JCAD: variants seen among roughly 807,000 people sequenced by gnomAD.
JCAD encodes the protein junctional cadherin 5 associated, also known as junctional cadherin 5-associated protein.
In JCAD, 40 loss-of-function variants were observed where a neutral mutation model predicts 98.0. The observed-to-expected ratio is 0.41, with a 90% confidence interval of 0.32 to 0.53. The LOEUF is 0.53. Ranked by LOEUF, JCAD falls within the 20% of genes least tolerant of loss-of-function variation. The pLI is 0.31. For missense variants in JCAD, 1,705 were observed against 1,738.1 expected, an observed-to-expected ratio of 0.98 and a Z score of 0.34; for synonymous variants, 691 against 682.3, an observed-to-expected ratio of 1.01 and a Z score of -0.20.
intron 1 of JCAD, among the ~76,000 whole-genome samples, chr10:30,057,619 C>A (rs539583074): frequency 6.6e-6 from 1 of 152,312 alleles, no homozygotes; most frequent in East Asian, 1.9e-4. Context: ...TTCTCCTGGG[C>A]CTGCCAAGGG....
chr10:30,076,377 T>G (rs1347832364), intron 1 of JCAD, among the ~76,000 whole-genome samples: 1 of 152,190 alleles, frequency 6.6e-6, no homozygotes, highest in Non-Finnish European at 1.5e-5. Context: ...TGACAGTTAT[T>G]TCAGAACATC....
intron 1 of JCAD, among the ~76,000 whole-genome samples, chr10:30,092,053 AAAAAAAAAAAAATATATAT>A (rs1244497045): frequency 1.8e-4 from 5 of 27,542 alleles, no homozygotes; most frequent in Admixed American, 8.7e-4. Flanking sequence ...AAAAAAAAAA[AAAAAAAAAAAAATATATAT>A]ATATATATAT....
At chr10:30,099,955 C>A (rs150457455) in intron 1 of JCAD, among the ~76,000 whole-genome samples, 2 of 152,296 alleles carry the variant, frequency 1.3e-5, no homozygotes, top group South Asian at 2.1e-4. Context: ...CCTGCATAAC[C>A]ATTTCTCCCA....
intron 1 of JCAD, among the ~76,000 whole-genome samples, chr10:30,099,077 T>G (rs1838425988): frequency 6.6e-6 from 1 of 152,242 alleles, no homozygotes; most frequent in Admixed American, 6.5e-5. Context: ...CCCAGGATTT[T>G]TCTATTATTT....
chr10:30,028,745 A>G lies in JCAD; in HGVS notation c.1403T>C (p.Met468Thr). ...VTAQEPAHGG[M>T]QPDGAIWNPQ... is the part of the protein sequence containing the mutation. ...ATTCCAAATGGCACCATCAGGCTGC[A>G]TTCCTCCATGAGCCGGCTCTTGAGC... is the stretch of plus-strand genomic sequence containing the variant. The change falls in exon 3 of 4, where the codon ATG becomes ACG. Residue 468 changes from methionine to threonine, a missense_variant. By Grantham distance (81) the Met-to-Thr change is moderately conservative (BLOSUM62 -1). Coordinates refer to ENST00000375377, the MANE Select transcript of JCAD (RefSeq NM_020848.4). 1 of 1,614,182 alleles carries G rather than the reference A, an allele frequency of 6.2e-7. No individual in the cohort carries two copies. Among genetic ancestry groups the G allele is most frequent in the Non-Finnish European group, 8.5e-7 (1 of 1,180,016 alleles).
chr10:30,033,767 C>A (rs775378487), intron 2 of JCAD, among the ~76,000 whole-genome samples: 1 of 152,206 alleles, frequency 6.6e-6, no homozygotes, highest in Non-Finnish European at 1.5e-5. Flanking sequence ...GTGCGTGAAG[C>A]CTGGAAGAGT....
chr10:30,028,838 G>C lies in JCAD; in HGVS notation c.1310C>G (p.Ala437Gly), dbSNP rs560626244. The change falls in exon 3 of 4, where the codon GCT becomes GGT. Residue 437 changes from alanine (A) to glycine (G), a missense_variant. Ala to Gly is a moderately conservative substitution (Grantham distance 60). Around this residue, in one of 3 missense-constraint regions of JCAD, gnomAD observed 1,278 missense variants for 1,243.1 expected, o/e 1.03. Coordinates refer to ENST00000375377, the MANE Select transcript of JCAD (RefSeq NM_020848.4). ...GTCTTCACAGAAACCCTGGGGCTGA[G>C]CTAGTTTAAAATGTCGTAACCGTGG... ...DDPRLRHFKL[A>G]QPQGFCEDIK... The C allele has an allele frequency of 6.2e-7, 1 of 1,614,252 alleles. No homozygotes were observed. Among genetic ancestry groups the C allele is most frequent in the Non-Finnish European group, 8.5e-7 (1 of 1,180,050 alleles).
chr10:30,049,996 A>G (rs1231077927), intron 1 of JCAD, among the ~76,000 whole-genome samples: 1 of 152,198 alleles, frequency 6.6e-6, no homozygotes, highest in Non-Finnish European at 1.5e-5. Flanking sequence ...CATTTAAAAT[A>G]GATTATGAGT....
intron 1 of JCAD, among the ~76,000 whole-genome samples, chr10:30,094,980 G>A (rs1299601679): frequency 6.6e-6 from 1 of 152,200 alleles, no homozygotes; most frequent in Admixed American, 6.5e-5. Context: ...AATTGTCTGA[G>A]TAGGTTGTTG....
At chr10:30,033,413 G>A (rs1837042878) in intron 2 of JCAD, among the ~76,000 whole-genome samples, 1 of 152,222 alleles carries the variant, frequency 6.6e-6, no homozygotes, top group South Asian at 2.1e-4. Flanking sequence ...GAAAAGAAGT[G>A]AGTAGATCAT....
intron 1 of JCAD, among the ~76,000 whole-genome samples, chr10:30,058,357 TGGAGTGCGTGCGGGGGTG>T (rs2132656341): frequency 6.6e-6 from 1 of 150,614 alleles, no homozygotes; most frequent in East Asian, 2.0e-4. Context: ...GGGAGGCGGG[TGGAGTGCGTGCGGGGGTG>T]GGAGAGTGGG....
At chr10:30,112,375 A>G (rs1838718193) in intron 1 of JCAD, among the ~76,000 whole-genome samples, 1 of 152,126 alleles carries the variant, frequency 6.6e-6, no homozygotes, top group Non-Finnish European at 1.5e-5. Context: ...GCTACTCAGG[A>G]GACTGAGACA....
intron 2 of JCAD, among the ~76,000 whole-genome samples, chr10:30,066,425 C>G (rs1171979487): frequency 6.6e-6 from 1 of 152,216 alleles, no homozygotes. Context: ...TAGCAAAGAG[C>G]TGCTGTTTAC....
chr10:30,046,787 C>T (rs149697410), intron 2 of JCAD, among the ~76,000 whole-genome samples: 1,549 of 152,258 alleles, frequency 0.01, 62 homozygotes, highest in Admixed American at 0.068. Flanking sequence ...CCCTGAATAT[C>T]ACAGTGGAAA....
At chr10:30,043,132 C>G (rs538985665) in intron 2 of JCAD, among the ~76,000 whole-genome samples, 34 of 152,326 alleles carry the variant, frequency 2.2e-4, no homozygotes, top group Non-Finnish European at 4.6e-4. Context: ...TTCTCCCCAA[C>G]AGAATTGTCA....
chr10:30,040,585 C>T (rs1039809386), intron 2 of JCAD, among the ~76,000 whole-genome samples: 2 of 152,160 alleles, frequency 1.3e-5, no homozygotes, highest in Admixed American at 6.5e-5. Context: ...TGCCTCCGAC[C>T]CACGGTTCTT....
At chr10:30,109,268 C>T (rs1838645464) in intron 1 of JCAD, among the ~76,000 whole-genome samples, 2 of 152,212 alleles carry the variant, frequency 1.3e-5, no homozygotes, top group Non-Finnish European at 2.9e-5. Context: ...GGGGCATCAT[C>T]ACAGACTCTC....
chr10:30,078,420 CT>C (rs201646369), intron 1 of JCAD, among the ~76,000 whole-genome samples: 1 of 151,392 alleles, frequency 6.6e-6, no homozygotes, highest in African/African-American at 2.4e-5. Flanking sequence ...TTCTTCCTTT[CT>C]TTTTTTTTAA....
At chr10:30,023,761 G>A (rs1202263187) in intron 3 of JCAD, among the ~76,000 whole-genome samples, 1 of 152,108 alleles carries the variant, frequency 6.6e-6, no homozygotes, top group African/African-American at 2.4e-5. Context: ...AACGTCATGA[G>A]GGAGGTGTTG....
Sources: gnomAD v4.1 joint callset for allele counts (sites outside exome capture counted in the v4.1 genomes callset) on GRCh38, gnomAD v4.1.1 for gene constraint, gnomAD v4.1.1 regional missense constraint, MANE v1.5 for transcripts, NCBI Gene and HGNC (gene_info 2026-07-23, HGNC 2026-07-21) for gene names.